RBFOX1: variants seen among roughly 807,000 people sequenced by gnomAD.
The protein encoded by RBFOX1 is RNA binding protein fox-1 homolog 1.
A neutral mutation model predicts 57.7 loss-of-function variants in RBFOX1; 8 were observed. The observed-to-expected ratio is 0.14, with a 90% CI of 0.08 to 0.25. The LOEUF is 0.25. Ranked by LOEUF, RBFOX1 falls within the 10% of genes least tolerant of loss-of-function variation. The pLI is 1.00. For missense variants in RBFOX1, 611 were observed against 548.5 expected, an observed-to-expected ratio of 1.11 and a Z score of -1.14; for synonymous variants, 326 against 222.4, an observed-to-expected ratio of 1.47 and a Z score of -4.15.
intron 3 of RBFOX1, among the ~76,000 whole-genome samples, chr16:5,779,602 T>C (rs1467864483): frequency 6.6e-6 from 1 of 152,216 alleles, no homozygotes; most frequent in East Asian, 1.9e-4. Flanking sequence ...CTTGTGAATG[T>C]TGGTGAGCTA....
chr16:5,789,432 T>A (rs570440094), intron 3 of RBFOX1, among the ~76,000 whole-genome samples: 1 of 152,210 alleles, frequency 6.6e-6, no homozygotes, highest in South Asian at 2.1e-4. Flanking sequence ...TATATTTATA[T>A]GAGTGTGTGT....
At chr16:6,027,681 A>T (rs943964714) in intron 1 of RBFOX1, among the ~76,000 whole-genome samples, 3 of 152,224 alleles carry the variant, frequency 2.0e-5, no homozygotes, top group Non-Finnish European at 4.4e-5. Context: ...CATGACGATT[A>T]CTATTATCCA....
At chr16:6,923,216 C>T (rs1183420190) in intron 3 of RBFOX1, among the ~76,000 whole-genome samples, 1 of 152,176 alleles carries the variant, frequency 6.6e-6, no homozygotes, top group African/African-American at 2.4e-5. Flanking sequence ...AGCTCTCCAT[C>T]AGCCCAGCCC....
Position 7,588,796 on chromosome 16 carries a change from C to G in RBFOX1, c.468+1496C>G, listed in dbSNP as rs930081123. Among the ~76,000 whole-genome samples, 5 of 152,078 alleles carry G rather than the reference C, an allele frequency of 3.3e-5. No homozygotes were observed. The East Asian group carries it at 9.6e-4, about 29-fold the overall frequency. The stretch of plus-strand genomic sequence containing the variant: ...GATTTTTTTTTCTTTATTCCTTGGA[C>G]AGCCTTCCTCCCTCCTAAGTAAATT... On this transcript the variant is annotated intron_variant, in intron 7 of 15. Coordinates refer to ENST00000550418, the MANE Select transcript of RBFOX1 (RefSeq NM_018723.4).
intron 3 of RBFOX1, among the ~76,000 whole-genome samples, chr16:6,710,137 G>A (rs1439085994): frequency 6.6e-6 from 1 of 152,114 alleles, no homozygotes; most frequent in Non-Finnish European, 1.5e-5. Context: ...GGACTGAGGG[G>A]AGTCCAAATC....
rs1335610851 is a variant in RBFOX1, at chr16:5,975,362, G to C, written c.351+108027G>C. On this transcript the variant is annotated intron_variant, in intron 4 of 19. Coordinates refer to the RBFOX1 transcript ENST00000641259. ...TATCATTAGAGCAATAGCTGCTTCT[G>C]ATAATGCATTAATGTAATACATCAC... Among the ~76,000 whole-genome samples, 4 of 152,132 alleles carry C rather than the reference G, an allele frequency of 2.6e-5. No individual in the cohort carries two copies. In the East Asian group the frequency reaches 7.7e-4, roughly 29 times the overall value.
chr16:7,004,063 C>T lies in RBFOX1; in HGVS notation c.-15-47994C>T, dbSNP rs146413884. 2.0e-4 allele frequency: 30 copies of T among 151,558 alleles called. 1 individual carries two copies. The East Asian group carries it at 5.8e-3, about 29-fold the overall frequency. The allele number at this position is 151,558 out of a possible 1,614,324, so 9.4% of individuals were successfully genotyped here. A position where few individuals can be genotyped will look rare whatever the true frequency, so the allele number is the denominator to read the frequency against. ...CCATCTTTGCACAGGTGCCATACCA[C>T]CTTCTCTGTATCATTCTAGTTTTAG... On this transcript the variant is annotated intron_variant, in intron 3 of 15. Transcript: ENST00000550418.
chr16:6,589,342 T>C (rs530490297), intron 2 of RBFOX1, among the ~76,000 whole-genome samples: 2 of 152,278 alleles, frequency 1.3e-5, no homozygotes, highest in South Asian at 2.1e-4. Context: ...ACCAGCGTGT[T>C]GTTATTACTC....
intron 5 of RBFOX1, among the ~76,000 whole-genome samples, chr16:7,552,623 T>A (rs1364412378): frequency 6.6e-6 from 1 of 152,194 alleles, no homozygotes; most frequent in Non-Finnish European, 1.5e-5. Context: ...CCTATAAGAT[T>A]TATGTCTAAA....
intron 4 of RBFOX1, among the ~76,000 whole-genome samples, chr16:5,887,512 C>G (rs775004075): frequency 2.6e-5 from 4 of 152,224 alleles, no homozygotes; most frequent in Non-Finnish European, 4.4e-5. Flanking sequence ...AGCAATTCTC[C>G]TGCCTTAGCC....
intron 3 of RBFOX1, among the ~76,000 whole-genome samples, chr16:6,927,112 C>T (rs182385491): frequency 6.6e-6 from 1 of 152,030 alleles, no homozygotes; most frequent in African/African-American, 2.4e-5. Context: ...TAGCTTCCCC[C>T]AGAGGGTTTG....
intron 3 of RBFOX1, among the ~76,000 whole-genome samples, chr16:6,670,682 AT>A (rs1287637777): frequency 6.6e-6 from 1 of 152,030 alleles, no homozygotes; most frequent in Non-Finnish European, 1.5e-5. Flanking sequence ...CTTTTCCCAT[AT>A]TGGTGATGTT....
At chr16:5,811,355 C>G (rs1270952352) in intron 3 of RBFOX1, among the ~76,000 whole-genome samples, 1 of 151,798 alleles carries the variant, frequency 6.6e-6, no homozygotes, top group Non-Finnish European at 1.5e-5. Context: ...GTTAGCCAGG[C>G]TGGTGTTGAA....
chr16:7,545,477 A>ACC (rs1339318283), intron 5 of RBFOX1, among the ~76,000 whole-genome samples: 1 of 151,324 alleles, frequency 6.6e-6, no homozygotes, highest in Middle Eastern at 3.2e-3. Context: ...CAGCCCTGGC[A>ACC]CCCCCCGACC....
At chr16:6,770,123 G>C (rs2078045817) in intron 3 of RBFOX1, among the ~76,000 whole-genome samples, 1 of 152,172 alleles carries the variant, frequency 6.6e-6, no homozygotes, top group Admixed American at 6.5e-5. Flanking sequence ...CTTGTATTAA[G>C]CAGAAAGGCA....
chr16:6,838,452 C>A (rs1833278040), intron 3 of RBFOX1, among the ~76,000 whole-genome samples: 1 of 152,116 alleles, frequency 6.6e-6, no homozygotes, highest in Non-Finnish European at 1.5e-5. Context: ...GGTTGACTAG[C>A]CCTTTTCTAG....
At chr16:5,561,662 T>A (rs2045895512) in intron 2 of RBFOX1, among the ~76,000 whole-genome samples, 1 of 152,170 alleles carries the variant, frequency 6.6e-6, no homozygotes, top group Admixed American at 6.5e-5. Context: ...ATTAATAATA[T>A]GACTTAATGC....
chr16:5,389,372 G>T (rs1429024836), intron 1 of RBFOX1, among the ~76,000 whole-genome samples: 1 of 151,992 alleles, frequency 6.6e-6, no homozygotes, highest in Non-Finnish European at 1.5e-5. Context: ...ATTCTGTTGT[G>T]GGGGTTGCCT....
intron 3 of RBFOX1, among the ~76,000 whole-genome samples, chr16:7,015,012 C>G (rs571241344): frequency 6.6e-6 from 1 of 152,292 alleles, no homozygotes; most frequent in African/African-American, 2.4e-5. Context: ...GTGTGAGCCA[C>G]CGTGCTTAGC....
Sources: gnomAD v4.1 joint callset for allele counts (sites outside exome capture counted in the v4.1 genomes callset) on GRCh38, gnomAD v4.1.1 for gene constraint, MANE v1.5 for transcripts, NCBI Gene and HGNC (gene_info 2026-07-23, HGNC 2026-07-21) for gene names.